TMEM255A: variants seen among roughly 807,000 people sequenced by gnomAD.
TMEM255A encodes transmembrane protein 255A.
TMEM255A carries 14 observed loss-of-function variants against 23.5 expected under a neutral mutation model. The observed-to-expected ratio is 0.60, with a 90% CI of 0.39 to 0.93. The LOEUF is 0.93. Ranked by LOEUF, TMEM255A falls within the 40% of genes least tolerant of loss-of-function variation. TMEM255A has a pLI of 0.00. For synonymous variants in TMEM255A, 104 were observed against 100.3 expected (o/e 1.04, Z -0.22); for missense variants, 233 against 261.7 (o/e 0.89, Z 0.76).
intron 4 of TMEM255A, among the ~76,000 whole-genome samples, chrX:120,288,190 G>C (rs2057890166): frequency 8.9e-6 from 1 of 112,014 alleles, no homozygotes; most frequent in Non-Finnish European, 1.9e-5. Context: ...CATCTCAGTG[G>C]CTGCTTTTCC....
intron 8 of TMEM255A, among the ~76,000 whole-genome samples, chrX:120,263,253 G>T (rs1167312265): frequency 2.7e-5 from 3 of 111,979 alleles, no homozygotes; most frequent in Non-Finnish European, 5.6e-5. Flanking sequence ...TCCTGCCTGA[G>T]AGTGTGACTT....
intron 2 of TMEM255A, among the ~76,000 whole-genome samples, chrX:120,299,135 CA>C (rs1307298770): frequency 6.3e-5 from 7 of 111,213 alleles, no homozygotes; most frequent in Non-Finnish European, 1.3e-4. Context: ...TCCAGCAAAT[CA>C]AGATTCAAAT....
At chrX:120,300,292 C>A (rs983364309) in intron 2 of TMEM255A, among the ~76,000 whole-genome samples, 3 of 111,867 alleles carry the variant, frequency 2.7e-5, no homozygotes, top group Non-Finnish European at 5.6e-5. Context: ...CTCATCTGAA[C>A]CCTCCTGAAA....
At chrX:120,297,116 A>G (rs1188619949) in intron 2 of TMEM255A, among the ~76,000 whole-genome samples, 14 of 34,752 alleles carry the variant, frequency 4.0e-4, no homozygotes, top group Non-Finnish European at 5.8e-4. Flanking sequence ...ATATTATATT[A>G]TATTATAATA....
At chrX:120,255,489 A>G, downstream of TMEM255A, 3 of 964,409 alleles carry the variant, frequency 3.1e-6, no homozygotes, top group Non-Finnish European at 4.3e-6. Flanking sequence ...GGGGTTTCAG[A>G]AGATCTGTAA....
At chrX:120,296,799 TGATATATAA>T (rs1569339635) in intron 2 of TMEM255A, among the ~76,000 whole-genome samples, 288 of 5,531 alleles carry the variant, frequency 0.052, 22 homozygotes, top group Middle Eastern at 0.25. Flanking sequence ...ATAATATATA[TGATATATAA>T]TATATATCAT....
intron 1 of TMEM255A, among the ~76,000 whole-genome samples, chrX:120,310,911 C>T (rs1218916341): frequency 9.1e-6 from 1 of 109,635 alleles, no homozygotes; most frequent in Non-Finnish European, 1.9e-5. Context: ...AAAGCGAAGG[C>T]GCAGGTTGCA....
Position 120,277,056 on chromosome X carries a change from G to T in TMEM255A, c.513-9C>A. 1.7e-6 allele frequency: 2 copies of T among 1,203,085 alleles called. No homozygotes were observed. Among genetic ancestry groups the T allele is most frequent in the Non-Finnish European group, 2.2e-6 (2 of 890,506 alleles). On this transcript the variant is annotated splice_polypyrimidine_tract_variant and intron_variant, in intron 6 of 8. Coordinates refer to ENST00000371369, the MANE Select transcript of TMEM255A (RefSeq NM_001104544.3). ...CAGTGATCTCCACCCGGCTGGACAGGGAGGAGCATGCTCCAGTCAGTCCCC... is the reference window on the plus strand; with the variant it reads ...CAGTGATCTCCACCCGGCTGGACAGTGAGGAGCATGCTCCAGTCAGTCCCC...
At chrX:120,276,287 A>G (rs1216322968) in intron 7 of TMEM255A, among the ~76,000 whole-genome samples, 1 of 112,200 alleles carries the variant, frequency 8.9e-6, no homozygotes, top group Non-Finnish European at 1.9e-5. Flanking sequence ...ACACACACAC[A>G]CAAATAGAAA....
intron 1 of TMEM255A, among the ~76,000 whole-genome samples, chrX:120,308,302 T>C (rs896143507): frequency 1.3e-4 from 14 of 111,929 alleles, no homozygotes; most frequent in Non-Finnish European, 2.6e-4. Flanking sequence ...GCTGTCTCTG[T>C]TACTTTGTTT....
At chrX:120,268,468 A>G (rs1556018030) in intron 7 of TMEM255A, 81 bp from the exon 8 acceptor site, 4 of 701,847 alleles carry the variant, frequency 5.7e-6, no homozygotes, top group Non-Finnish European at 4.0e-6. Flanking sequence ...CATCTATACT[A>G]TGGAATACCA....
At chrX:120,302,407 T>C (rs1490655284) in intron 2 of TMEM255A, among the ~76,000 whole-genome samples, 3 of 111,249 alleles carry the variant, frequency 2.7e-5, no homozygotes, top group Non-Finnish European at 3.8e-5. Context: ...TGCAGCTACC[T>C]GAAATACACA....
chrX:120,263,384 C>G (rs905672125), intron 8 of TMEM255A, among the ~76,000 whole-genome samples: 1 of 112,255 alleles, frequency 8.9e-6, no homozygotes, highest in Admixed American at 9.4e-5. Context: ...TGAGCGGCTT[C>G]TTAGAGGCTG....
chrX:120,254,098 A>T, downstream of TMEM255A: 1 of 1,211,385 alleles, frequency 8.3e-7, no homozygotes, highest in South Asian at 1.8e-5. Flanking sequence ...GCTATTTCAG[A>T]TGTTGCACCT....
Position 120,268,240 on chromosome X carries a change from A to G in TMEM255A, c.819+4T>C, listed in dbSNP as rs782015258. The G allele has an allele frequency of 8.3e-7, 1 of 1,206,065 alleles. No homozygotes were observed. Among genetic ancestry groups the G allele is most frequent in the Non-Finnish European group, 1.1e-6 (1 of 893,405 alleles). On this transcript the variant is annotated splice_donor_region_variant and intron_variant, in intron 8 of 8. Coordinates refer to ENST00000371369, the MANE Select transcript of TMEM255A (RefSeq NM_001104544.3). Reference sequence around the variant, plus strand: ...ACAGAGTTCTTTTTTCTCCCAAAACATACCTGAAAGTCATAAGCAGAATAT... The same window carrying G: ...ACAGAGTTCTTTTTTCTCCCAAAACGTACCTGAAAGTCATAAGCAGAATAT...
In TMEM255A at chrX:120,305,733, G is replaced by A. The variant is rs188106751; in HGVS notation, c.59-1242C>T. 2.1e-4 allele frequency among the ~76,000 whole-genome samples: 23 copies of A among 111,195 alleles called. No homozygotes were observed. In the East Asian group the frequency reaches 6.0e-3, roughly 29 times the overall value. On this transcript the variant is annotated intron_variant, in intron 1 of 8. Transcript: ENST00000371369. ...GGAAGGGGGACGAGGTCAAGGAAAC[G>A]AAGCGAGACCCAGGAGGCAAGGTGG...
intron 2 of TMEM255A, among the ~76,000 whole-genome samples, chrX:120,296,224 T>A (rs2057953796): frequency 9.0e-6 from 1 of 111,300 alleles, no homozygotes; most frequent in Non-Finnish European, 1.9e-5. Flanking sequence ...AAAGACACTC[T>A]CTATTCCTCA....
chrX:120,286,269 T>A, intron 5 of TMEM255A, among the ~76,000 whole-genome samples: 1 of 112,323 alleles, frequency 8.9e-6, no homozygotes, highest in South Asian at 3.7e-4. Flanking sequence ...AGCTGTGCAA[T>A]GCAGTGGCCA....
intron 1 of TMEM255A, among the ~76,000 whole-genome samples, chrX:120,307,135 A>C (rs1191468424): frequency 9.0e-6 from 1 of 110,609 alleles, no homozygotes; most frequent in Non-Finnish European, 1.9e-5. Flanking sequence ...TTTTAAGAAA[A>C]CCCCCTCCCA....
Sources: allele counts gnomAD v4.1 joint callset (sites outside exome capture counted in the v4.1 genomes callset), GRCh38; gene constraint gnomAD v4.1.1; transcripts MANE v1.5; gene names NCBI Gene and HGNC (gene_info 2026-07-23, HGNC 2026-07-21).